The following ZNF37A variants were observed in gnomAD, a reference collection of about 807,000 sequenced individuals.
ZNF37A encodes the protein zinc finger protein 37a (KOX 21).
In ZNF37A, 10 loss-of-function variants were observed where a neutral mutation model predicts 12.3. The ratio of observed to expected loss-of-function variants is 0.82; its 90% CI spans 0.50 to 1.38. The LOEUF (loss-of-function observed/expected upper bound fraction) is 1.38. Among genes scored for constraint, ZNF37A ranks in the 40% most tolerant of loss-of-function variants. ZNF37A has a pLI of 0.00. For missense variants in ZNF37A, 580 were observed against 651.2 expected, an observed-to-expected ratio of 0.89 and a Z score of 1.19; for synonymous variants, 207 against 223.0, an observed-to-expected ratio of 0.93 and a Z score of 0.64.
chr10:38,096,380 C>T (rs1250051478), intron 4 of ZNF37A, among the ~76,000 whole-genome samples, 194 bp from the exon 5 acceptor site: 2 of 152,116 alleles, frequency 1.3e-5, no homozygotes, highest in African/African-American at 4.8e-5. Context: ...TGTTAGAGTA[C>T]AGCATAAATT....
chr10:38,111,627 C>G (rs1347080538), intron 5 of ZNF37A, among the ~76,000 whole-genome samples: 3 of 151,962 alleles, frequency 2.0e-5, no homozygotes, highest in African/African-American at 7.3e-5. Flanking sequence ...TTATTTAATC[C>G]TAATTTCTCT....
At chr10:38,133,933 AGATTT>A (rs2070069206) in intron 7 of ZNF37A, among the ~76,000 whole-genome samples, 1 of 152,204 alleles carries the variant, frequency 6.6e-6, no homozygotes, top group South Asian at 2.1e-4. Context: ...AATCAGACGT[AGATTT>A]GGTCTTTTCA....
chr10:38,118,328 C>T lies in ZNF37A; in HGVS notation c.1177C>T (p.Leu393Phe). ...ATGCTATGCATGTGGGAAAGCCTTT[C>T]TCAGAAAATCAGACCTCATTAAACA... is the stretch of plus-strand genomic sequence containing the variant. ...YECYACGKAF[L>F]RKSDLIKHQR... Residue 393 changes from leucine (L) to phenylalanine (F), a missense_variant, in exon 8 of 8, where the codon CTC becomes TTC. By Grantham distance (22) the Leu-to-Phe change is conservative. Transcript: ENST00000685332. 2 of 1,611,182 alleles carry T rather than the reference C, an allele frequency of 1.2e-6. No individual in the cohort carries two copies. The highest frequency in any genetic ancestry group is 1.7e-6 in the Non-Finnish European group (2 of 1,179,094).
At chr10:38,128,551 T>C (rs1006670006), downstream of ZNF37A, among the ~76,000 whole-genome samples, 1 of 152,196 alleles carries the variant, frequency 6.6e-6, no homozygotes, top group African/African-American at 2.4e-5. Context: ...TGAGACACCA[T>C]TGAAAATTTT....
At chr10:38,150,089 C>A (rs2070308784) in exon 8 of ZNF37A, 2 of 152,300 alleles carry the variant, frequency 1.3e-5, no homozygotes, top group African/African-American at 2.4e-5. Context: ...TTGCAAGTTT[C>A]TTCTTGTCTG....
At chr10:38,148,890 T>G (rs1165363528) in exon 8 of ZNF37A, 2 of 151,454 alleles carry the variant, frequency 1.3e-5, no homozygotes, top group Non-Finnish European at 2.9e-5. Context: ...CAGGTTGGAG[T>G]GCAGTGGTAC....
intron 5 of ZNF37A, among the ~76,000 whole-genome samples, chr10:38,113,793 G>A (rs1376509800): frequency 6.6e-6 from 1 of 152,138 alleles, no homozygotes; most frequent in East Asian, 1.9e-4. Flanking sequence ...ACTGAATTAT[G>A]TTACAGAGAT....
intron 5 of ZNF37A, among the ~76,000 whole-genome samples, chr10:38,108,760 T>TA (rs201684808): frequency 0.024 from 3,669 of 152,246 alleles, 105 homozygotes; most frequent in African/African-American, 0.075. Context: ...CCTGGACACT[T>TA]ACACCCTCTC....
Position 38,117,947 on chromosome 10 carries a change from A to T in ZNF37A, c.796A>T (p.Thr266Ser). Residue 266 changes from threonine (T) to serine (S), a missense_variant, in exon 8 of 8, where the codon ACA (threonine) becomes TCA (serine). Transcript: ENST00000685332. ...LVLHLQQRTHTGEKPYECHEC... is the reference protein window; with the variant it reads ...LVLHLQQRTHSGEKPYECHEC... ...CCTTCATTTACAACAGAGAACACAT[A>T]CAGGAGAAAAACCTTATGAATGTCA... The T allele has an allele frequency of 6.2e-7, 1 of 1,613,958 alleles. No homozygotes were observed.
intron 7 of ZNF37A, among the ~76,000 whole-genome samples, chr10:38,145,206 C>T (rs1226222363): frequency 1.1e-4 from 13 of 118,176 alleles, no homozygotes; most frequent in African/African-American, 3.2e-4. Flanking sequence ...ACAATAAAAG[C>T]GGATCCAGGG....
chr10:38,106,957 C>G (rs978262042), intron 5 of ZNF37A, among the ~76,000 whole-genome samples: 1 of 152,128 alleles, frequency 6.6e-6, no homozygotes, highest in Non-Finnish European at 1.5e-5. Flanking sequence ...GAGAACTTAA[C>G]CAGCCTAGCA....
chr10:38,106,191 C>G (rs2068066886), intron 5 of ZNF37A, among the ~76,000 whole-genome samples: 1 of 152,154 alleles, frequency 6.6e-6, no homozygotes, highest in Non-Finnish European at 1.5e-5. Flanking sequence ...ACTGGTGATA[C>G]CGAGGCAAAC....
intron 7 of ZNF37A, among the ~76,000 whole-genome samples, chr10:38,134,335 G>A (rs758953920): frequency 2.0e-5 from 3 of 152,142 alleles, no homozygotes; most frequent in Non-Finnish European, 2.9e-5. Context: ...TGTTGCTGGC[G>A]AGGAGCTGTG....
In ZNF37A at chr10:38,118,258, C is replaced by T. The variant is rs2069446339; in HGVS notation, c.1107C>T (p.Val369=). The T allele has an allele frequency of 1.2e-6, 2 of 1,613,424 alleles. No individual in the cohort carries two copies. The highest frequency in any genetic ancestry group is 1.3e-5 in the African/African-American group (1 of 74,748). The change falls in exon 8 of 8, where the codon GTC becomes GTT. Residue 369 remains valine (V), a synonymous_variant. Transcript: ENST00000685332. ...GGAAAACCTTCTCATTTAAGTCAGT[C>T]CTTACTGTGCATCAGAAAACACACA... is the stretch of plus-strand genomic sequence containing the variant. ...ECGKTFSFKS[V]LTVHQKTHTG...
chr10:38,134,674 C>T (rs2070082382), intron 7 of ZNF37A, among the ~76,000 whole-genome samples: 1 of 152,168 alleles, frequency 6.6e-6, no homozygotes, highest in African/African-American at 2.4e-5. Flanking sequence ...AAGAGGGGCA[C>T]CTGGCCGTAT....
chr10:38,149,741 G>C (rs978398231), exon 8 of ZNF37A: 2 of 151,716 alleles, frequency 1.3e-5, no homozygotes, highest in Non-Finnish European at 2.9e-5. Flanking sequence ...CACCTGGCTA[G>C]TTTTTTTGTA....
intron 5 of ZNF37A, among the ~76,000 whole-genome samples, chr10:38,113,612 TTCTA>T (rs1179528536): frequency 1.3e-5 from 2 of 152,188 alleles, no homozygotes; most frequent in Non-Finnish European, 2.9e-5. Context: ...TTTCCAGACG[TTCTA>T]AGGCCTCTAT....
rs563572856 is a variant in ZNF37A, at chr10:38,122,635, G to C, written c.*3798G>C. ...GAAAACTGGATATCCATATGCAGAAGAATGAAACTAGACCCCCATCTCTTA... is the reference window on the plus strand; with the variant it reads ...GAAAACTGGATATCCATATGCAGAACAATGAAACTAGACCCCCATCTCTTA... On this transcript the variant is annotated 3_prime_UTR_variant, in exon 8 of 8. Transcript: ENST00000685332. 16 of 152,138 alleles carry C rather than the reference G, an allele frequency of 1.1e-4. No homozygotes were observed. The highest frequency in any genetic ancestry group is 1.9e-4 in the Non-Finnish European group (13 of 68,012). The allele number at this position is 152,138 out of a possible 1,614,324, so 9.4% of individuals were successfully genotyped here. A position where few individuals can be genotyped will look rare whatever the true frequency, so the allele number is the denominator to read the frequency against.
At position 38,117,861 on chromosome 10, in the gene ZNF37A, A is replaced by T; in HGVS notation, c.710A>T (p.His237Leu). 1.2e-6 allele frequency: 2 copies of T among 1,613,990 alleles called. No individual in the cohort carries two copies. Among genetic ancestry groups the T allele is most frequent in the Non-Finnish European group, 1.7e-6 (2 of 1,179,976 alleles). ...KLNLTPIQRT[H>L]SINNIIEYNE... ...AATCTCACTCCAATTCAGAGAACCCACTCAATTAACAATATTATTGAATAT... is the reference window on the plus strand; with the variant it reads ...AATCTCACTCCAATTCAGAGAACCCTCTCAATTAACAATATTATTGAATAT... The change falls in exon 8 of 8, where the codon CAC becomes CTC. Residue 237 changes from histidine to leucine, a missense_variant. His to Leu is a moderately conservative substitution (Grantham distance 99). Coordinates refer to ENST00000685332, the MANE Select transcript of ZNF37A (RefSeq NM_001324250.3).
Sources: allele counts gnomAD v4.1 joint callset (sites outside exome capture counted in the v4.1 genomes callset), GRCh38; gene constraint gnomAD v4.1.1; transcripts MANE v1.5; gene names NCBI Gene and HGNC (gene_info 2026-07-23, HGNC 2026-07-21).